TMCC3: variants seen among roughly 807,000 people sequenced by gnomAD.
TMCC3 encodes the protein transmembrane and coiled-coil domain family 3.
Under a neutral mutation model 40.2 loss-of-function variants are expected in TMCC3, and 28 were observed. The ratio of observed to expected loss-of-function variants is 0.70; its 90% CI spans 0.52 to 0.95. The LOEUF (loss-of-function observed/expected upper bound fraction) is 0.95. Ranked by LOEUF, TMCC3 falls within the 40% of genes least tolerant of loss-of-function variation. The pLI is 0.00. For synonymous variants in TMCC3, 255 were observed against 248.5 expected, an observed-to-expected ratio of 1.03 and a Z score of -0.25; for missense variants, 554 against 615.2, an observed-to-expected ratio of 0.90 and a Z score of 1.05.
intron 1 of TMCC3, among the ~76,000 whole-genome samples, chr12:94,624,092 A>G (rs1229011579): frequency 1.3e-5 from 2 of 152,248 alleles, no homozygotes; most frequent in Non-Finnish European, 2.9e-5. Flanking sequence ...ATACCACTTC[A>G]TACTTACTAG....
chr12:94,644,449 G>A (rs1400754829), intron 1 of TMCC3: 1 of 985,238 alleles, frequency 1.0e-6, no homozygotes, highest in Non-Finnish European at 1.2e-6. Context: ...TACACCCTGA[G>A]ATCCAACTTG....
chr12:94,588,442 G>GACA (rs1433132846), intron 1 of TMCC3, among the ~76,000 whole-genome samples: 1 of 152,160 alleles, frequency 6.6e-6, no homozygotes, highest in East Asian at 1.9e-4. Context: ...TGTGACAGAT[G>GACA]ACAACGGCCT....
rs1476285977 is a variant in TMCC3, at chr12:94,650,522, C to A, written c.-92G>T. 9 of 1,047,134 alleles carry A rather than the reference C, an allele frequency of 8.6e-6. No individual in the cohort carries two copies. In the Admixed American group the frequency reaches 3.6e-4, roughly 42 times the overall value. The allele number at this position is 1,047,134 out of a possible 1,614,324, so 64.9% of individuals were successfully genotyped here. Reference sequence around the variant, plus strand: ...TCGGGATCACCCTGGGAGCCGCGGGCGAGGGGGCGGCGCGGCTGCTGCAGC... The same window carrying A: ...TCGGGATCACCCTGGGAGCCGCGGGAGAGGGGGCGGCGCGGCTGCTGCAGC... On this transcript the variant is annotated 5_prime_UTR_variant, in exon 1 of 4. Transcript: ENST00000261226.
chr12:94,626,196 G>C (rs2138872441), intron 1 of TMCC3, among the ~76,000 whole-genome samples: 1 of 152,286 alleles, frequency 6.6e-6, no homozygotes, highest in Non-Finnish European at 1.5e-5. Context: ...CAGCATGGGG[G>C]AAATCGCCCC....
chr12:94,631,617 T>C (rs1249662181), intron 1 of TMCC3, among the ~76,000 whole-genome samples: 1 of 152,182 alleles, frequency 6.6e-6, no homozygotes, highest in Non-Finnish European at 1.5e-5. Flanking sequence ...TGCATGAAAA[T>C]AAATGTATTG....
In TMCC3 at chr12:94,571,150, A is replaced by G; in HGVS notation, c.*285T>C. The G allele has an allele frequency of 2.4e-6, 1 of 409,302 alleles. No individual in the cohort carries two copies. The highest frequency in any genetic ancestry group is 4.7e-5 in the East Asian group (1 of 21,232). 25.4% of individuals were successfully genotyped at this position (409,302 alleles called of 1,614,324 possible). On this transcript the variant is annotated 3_prime_UTR_variant, in exon 4 of 4. Coordinates refer to ENST00000261226, the MANE Select transcript of TMCC3 (RefSeq NM_020698.4). ...TCACCAATTATGCCAAGGTCTCAAT[A>G]TACAGAGGTTTACCACGCTGGGCTG...
chr12:94,649,762 A>G (rs570030023), intron 1 of TMCC3, among the ~76,000 whole-genome samples: 34 of 152,356 alleles, frequency 2.2e-4, no homozygotes, highest in Admixed American at 2.1e-3. Flanking sequence ...AGCAAATTAC[A>G]CTGCAAACAA....
intron 1 of TMCC3, among the ~76,000 whole-genome samples, chr12:94,635,674 T>TG (rs1261974824): frequency 6.9e-6 from 1 of 144,870 alleles, no homozygotes; most frequent in African/African-American, 2.5e-5. Flanking sequence ...TTTTTTTTTT[T>TG]TTTTTTTTTG....
At chr12:94,631,886 A>T (rs2068935686) in intron 1 of TMCC3, among the ~76,000 whole-genome samples, 1 of 152,240 alleles carries the variant, frequency 6.6e-6, no homozygotes, top group South Asian at 2.1e-4. Context: ...AAGTTCAGAA[A>T]AACAGATGAG....
intron 1 of TMCC3, chr12:94,591,050 C>CAAGGAAACAGAATATTCCA: frequency 1.9e-6 from 1 of 533,046 alleles, no homozygotes; most frequent in South Asian, 1.5e-5. Flanking sequence ...ATATATAAAT[C>CAAGGAAACAGAATATTCCA]AAGGAAACAG....
chr12:94,633,982 G>C (rs2068947098), intron 1 of TMCC3, among the ~76,000 whole-genome samples: 2 of 145,394 alleles, frequency 1.4e-5, no homozygotes, highest in Admixed American at 1.4e-4. Flanking sequence ...GTCTCGCTCT[G>C]TTGCCCAGGC....
At chr12:94,588,932 T>C (rs1464494868) in intron 1 of TMCC3, among the ~76,000 whole-genome samples, 2 of 152,004 alleles carry the variant, frequency 1.3e-5, no homozygotes, top group Non-Finnish European at 2.9e-5. Flanking sequence ...CAAGTGATTC[T>C]CCTGCCTCAG....
Position 94,620,374 on chromosome 12 carries a change from G to A in TMCC3, c.78+29979C>T, listed in dbSNP as rs574750496. Among the ~76,000 whole-genome samples, 176 of 149,742 alleles carry A rather than the reference G, an allele frequency of 1.2e-3. 2 individuals carry two copies. Among genetic ancestry groups the A allele is most frequent in the Non-Finnish European group, 1.5e-3 (98 of 67,560 alleles). ...GCGATCTCGGCTCACTGCAACCTTC[G>A]CCTCCCAAGTTTAAGCGGTTCTCCT... is the stretch of plus-strand genomic sequence containing the variant. On this transcript the variant is annotated intron_variant, in intron 1 of 3. Coordinates refer to ENST00000261226, the MANE Select transcript of TMCC3 (RefSeq NM_020698.4).
At chr12:94,599,096 C>T (rs2068735220) in intron 1 of TMCC3, among the ~76,000 whole-genome samples, 1 of 152,190 alleles carries the variant, frequency 6.6e-6, no homozygotes, top group Admixed American at 6.5e-5. Flanking sequence ...AGGTTCAGCA[C>T]TGCCATGTGA....
chr12:94,624,860 G>T (rs1467318418), intron 1 of TMCC3, among the ~76,000 whole-genome samples: 1 of 152,046 alleles, frequency 6.6e-6, no homozygotes, highest in Non-Finnish European at 1.5e-5. Context: ...TCGAAAATGG[G>T]CCAGGTGCGG....
chr12:94,644,942 GCA>G (rs2069009970), intron 1 of TMCC3, among the ~76,000 whole-genome samples: 1 of 152,188 alleles, frequency 6.6e-6, no homozygotes, highest in Non-Finnish European at 1.5e-5. Context: ...ACTACAGGTG[GCA>G]CTCACGCTTG....
chr12:94,629,618 T>C (rs2068921899), intron 1 of TMCC3, among the ~76,000 whole-genome samples: 1 of 152,160 alleles, frequency 6.6e-6, no homozygotes, highest in South Asian at 2.1e-4. Flanking sequence ...CTGCTTCTAA[T>C]TGGCCCTGTC....
chr12:94,627,824 A>T (rs943401546), intron 1 of TMCC3, among the ~76,000 whole-genome samples: 1 of 152,176 alleles, frequency 6.6e-6, no homozygotes, highest in Non-Finnish European at 1.5e-5. Flanking sequence ...ATCCACATTT[A>T]ACATACTATA....
intron 3 of TMCC3, among the ~76,000 whole-genome samples, chr12:94,576,304 A>G (rs1440663966): frequency 6.6e-6 from 1 of 152,194 alleles, no homozygotes; most frequent in African/African-American, 2.4e-5. Flanking sequence ...GTGGAATAAA[A>G]ACGTGGCCAG....
Sources: allele counts gnomAD v4.1 joint callset (sites outside exome capture counted in the v4.1 genomes callset), GRCh38; gene constraint gnomAD v4.1.1; transcripts MANE v1.5; gene names NCBI Gene and HGNC (gene_info 2026-07-23, HGNC 2026-07-21).